The following DYNC2H1 variants were observed in gnomAD, a reference collection of about 807,000 sequenced individuals.
DYNC2H1 encodes the protein cytoplasmic dynein 2 heavy chain 1.
In DYNC2H1, 410 loss-of-function variants were observed where a neutral mutation model predicts 570.0. The observed-to-expected ratio is 0.72, with a 90% CI of 0.66 to 0.78. The LOEUF is 0.78. Among genes scored for constraint, DYNC2H1 ranks in the 30% least tolerant of loss-of-function variants. The probability of loss-of-function intolerance (pLI) is 0.00; values close to 1 mark genes in which losing one functional copy is unlikely to be tolerated. For synonymous variants in DYNC2H1, 1,688 were observed against 1,677.6 expected (o/e 1.01, Z -0.15); for missense variants, 4,865 against 5,046.4 (o/e 0.96, Z 1.09).
chr11:103,202,293 G>GGTT (rs1318165052), intron 50 of DYNC2H1, among the ~76,000 whole-genome samples: 1 of 47,184 alleles, frequency 2.1e-5, no homozygotes, highest in Non-Finnish European at 3.5e-5. Context: ...CAGAAACACA[G>GGTT]ATTTTTTTTT....
chr11:103,452,838 AATGT>A (rs1944657991), intron 85 of DYNC2H1, among the ~76,000 whole-genome samples: 2 of 152,052 alleles, frequency 1.3e-5, no homozygotes, highest in East Asian at 3.8e-4. Flanking sequence ...TGAGTAAATG[AATGT>A]AATTTGAATT....
At chr11:103,234,692 C>T (rs984819084) in intron 61 of DYNC2H1, among the ~76,000 whole-genome samples, 1 of 151,832 alleles carries the variant, frequency 6.6e-6, no homozygotes, top group African/African-American at 2.4e-5. Flanking sequence ...TGGGGGTTAT[C>T]TCATCCCTTC....
chr11:103,290,673 T>C (rs1239028758), intron 75 of DYNC2H1, among the ~76,000 whole-genome samples: 1 of 152,126 alleles, frequency 6.6e-6, no homozygotes, highest in Non-Finnish European at 1.5e-5. Flanking sequence ...TCTGTGTTTC[T>C]CTGCCCCCCT....
chr11:103,352,051 C>T (rs3914428), intron 82 of DYNC2H1, among the ~76,000 whole-genome samples: 22,523 of 151,978 alleles, frequency 0.15, 1,820 homozygotes, highest in Admixed American at 0.24. Flanking sequence ...AAAATAATCT[C>T]ATGGCATCTT....
chr11:103,181,794 TGGTTGAGG>T lies in DYNC2H1; in HGVS notation c.6386_6393del (p.Trp2129Ter). 1 of 1,575,390 alleles carries T rather than the reference TGGTTGAGG, an allele frequency of 6.3e-7. No individual in the cohort carries two copies. The highest frequency in any genetic ancestry group is 8.6e-7 in the Non-Finnish European group (1 of 1,158,446). ...AGATCTTAATTCTCTGATAAAATCT[TGGTTGAGG>T]AATCAGCCTGCTGAATATAGAAATA... is the stretch of plus-strand genomic sequence containing the variant. On this transcript the variant is annotated frameshift_variant, in exon 40 of 89. Transcript: ENST00000375735. LOFTEE classifies it high-confidence loss of function. This position sits in a 1 kb window ranked among gnomAD's most constrained non-coding sequence, Gnocchi z 5.0.
intron 13 of DYNC2H1, among the ~76,000 whole-genome samples, chr11:103,132,511 T>C (rs1859329967): frequency 6.6e-6 from 1 of 152,156 alleles, no homozygotes; most frequent in Admixed American, 6.6e-5. Flanking sequence ...CTCATTCAAG[T>C]TGTGATTTTT....
chr11:103,387,751 A>G (rs1037856615), intron 83 of DYNC2H1, among the ~76,000 whole-genome samples: 15 of 152,124 alleles, frequency 9.9e-5, no homozygotes, highest in Non-Finnish European at 2.1e-4. Flanking sequence ...CCATTTATTA[A>G]AATAGGGAAT....
At chr11:103,176,597 T>C (rs1172157568) in intron 37 of DYNC2H1, among the ~76,000 whole-genome samples, 163 bp downstream of exon 37, 4 of 152,214 alleles carry the variant, frequency 2.6e-5, no homozygotes. Context: ...TTTGATCTTC[T>C]TGCTGTGTGC....
At chr11:103,384,231 T>C (rs1216328621) in intron 83 of DYNC2H1, among the ~76,000 whole-genome samples, 1 of 152,208 alleles carries the variant, frequency 6.6e-6, no homozygotes, top group Non-Finnish European at 1.5e-5. Flanking sequence ...GTTCAGAATG[T>C]TATCTCTTCT....
chr11:103,169,428 C>A (rs529597751), intron 32 of DYNC2H1, among the ~76,000 whole-genome samples: 4 of 152,242 alleles, frequency 2.6e-5, no homozygotes, highest in Admixed American at 2.6e-4. Context: ...AAAAATTCCA[C>A]CTGTTGCCTC....
chr11:103,414,718 A>G (rs1018405632), intron 84 of DYNC2H1, among the ~76,000 whole-genome samples: 2 of 151,944 alleles, frequency 1.3e-5, no homozygotes, highest in African/African-American at 2.4e-5. Flanking sequence ...AAAATTCACA[A>G]GCATTCCTAT....
chr11:103,168,277 A>G (rs967018748), intron 31 of DYNC2H1, among the ~76,000 whole-genome samples: 4 of 152,230 alleles, frequency 2.6e-5, no homozygotes, highest in African/African-American at 9.6e-5. Flanking sequence ...ATCTGTCTAC[A>G]CCAGTTTCGG....
chr11:103,268,072 T>C lies in DYNC2H1; in HGVS notation c.10695+8095T>C, dbSNP rs933570461. 6.6e-6 allele frequency among the ~76,000 whole-genome samples: 1 copy of C among 151,994 alleles called. No homozygotes were observed. Among genetic ancestry groups the C allele is most frequent in the Non-Finnish European group, 1.5e-5 (1 of 67,930 alleles). ...CCTATATGGTACACTTATTTTTATG[T>C]ATAGTATAAGTATTTCTATTCAGTA... On this transcript the variant is annotated intron_variant, in intron 70 of 88. Coordinates refer to ENST00000375735, the MANE Select transcript of DYNC2H1 (RefSeq NM_001377.3). The surrounding 1 kb of genome is among the most constrained non-coding windows in gnomAD (Gnocchi z 4.6).
intron 77 of DYNC2H1, among the ~76,000 whole-genome samples, chr11:103,307,170 G>A (rs556334802): frequency 6.6e-6 from 1 of 152,244 alleles, no homozygotes; most frequent in South Asian, 2.1e-4. Context: ...CACAGTATGA[G>A]AAGCATGGGC....
In DYNC2H1 at chr11:103,254,975, G is replaced by C. The variant is rs575031930; in HGVS notation, c.10207-440G>C. Among the ~76,000 whole-genome samples the C allele has an allele frequency of 6.6e-6, 1 of 151,958 alleles. No homozygotes were observed. Among genetic ancestry groups the C allele is most frequent in the East Asian group, 1.9e-4 (1 of 5,176 alleles). On this transcript the variant is annotated intron_variant, in intron 66 of 88. Transcript: ENST00000375735. This position sits in a 1 kb window ranked among gnomAD's most constrained non-coding sequence, Gnocchi z 4.9. Reference sequence around the variant, plus strand: ...TTTAGTAGAGATGGAGTTTCACTATGTTAGCCAGGCTGGTCTCGAACTCCT... The same window carrying C: ...TTTAGTAGAGATGGAGTTTCACTATCTTAGCCAGGCTGGTCTCGAACTCCT...
intron 83 of DYNC2H1, among the ~76,000 whole-genome samples, chr11:103,385,637 A>G (rs1036173472): frequency 2.0e-5 from 3 of 152,244 alleles, no homozygotes; most frequent in Admixed American, 6.5e-5. Flanking sequence ...TGGAGGGACT[A>G]TAGCATTATC....
rs1273573972 is a variant in DYNC2H1 at position 103,191,422 on chromosome 11, T to C, written c.7438-95T>C. 3.8e-5 allele frequency: 30 copies of C among 786,512 alleles called. No homozygotes were observed. The Middle Eastern group carries it at 9.8e-4, about 26-fold the overall frequency. The allele number at this position is 786,512 out of a possible 1,614,324, so 48.7% of individuals were successfully genotyped here. A position where few individuals can be genotyped will look rare whatever the true frequency, so the allele number is the denominator to read the frequency against. ...ATCCAGTTCCATCTACAGGTAGAAATTGGTATTCCTCTGAGTCTAAGGAGA... is the reference window on the plus strand; with the variant it reads ...ATCCAGTTCCATCTACAGGTAGAAACTGGTATTCCTCTGAGTCTAAGGAGA... On this transcript the variant is annotated intron_variant, in intron 45 of 88. Coordinates refer to ENST00000375735, the MANE Select transcript of DYNC2H1 (RefSeq NM_001377.3).
At position 103,186,376 on chromosome 11, in the gene DYNC2H1, C is replaced by G. The variant is rs552515168; in HGVS notation, c.6768C>G (p.Asn2256Lys). 1 of 1,612,820 alleles carries G rather than the reference C, an allele frequency of 6.2e-7. No individual in the cohort carries two copies. Among genetic ancestry groups the G allele is most frequent in the East Asian group, 2.2e-5 (1 of 44,814 alleles). ...ACTTGACTGCTGATGATTTCAGTAA[C>G]GGCTTAACTCTTCCAGTCATTCAGA... ...PEDLTADDFS[N>K]GLTLPVIQTP... Residue 2256 changes from asparagine to lysine, a missense_variant, in exon 42 of 89, where the codon AAC (asparagine) becomes AAG (lysine). By Grantham distance (94) the Asn-to-Lys change is moderately conservative (BLOSUM62 0). Coordinates refer to ENST00000375735, the MANE Select transcript of DYNC2H1 (RefSeq NM_001377.3). This position sits in a 1 kb window ranked among gnomAD's most constrained non-coding sequence, Gnocchi z 4.5.
rs57581233 is a variant in DYNC2H1, at chr11:103,188,474, A to G, written c.7141-23A>G. On this transcript the variant is annotated intron_variant, in intron 43 of 88. Transcript: ENST00000375735. ...AGGAAATCTTAGATAAAAAACGTTT[A>G]AAATATATTTATTTTCAAATAGGTA... is the stretch of plus-strand genomic sequence containing the variant. The G allele has an allele frequency of 5.1e-4, 769 of 1,501,302 alleles. 7 individuals are homozygous for G. The African/African-American group carries it at 9.7e-3, about 19-fold the overall frequency. 93.0% of individuals were successfully genotyped at this position (1,501,302 alleles called of 1,614,324 possible).
Sources: gnomAD v4.1 joint callset for allele counts (sites outside exome capture counted in the v4.1 genomes callset) on GRCh38, gnomAD v4.1.1 for gene constraint, Gnocchi (gnomAD v3.1) non-coding constraint, MANE v1.5 for transcripts, NCBI Gene and HGNC (gene_info 2026-07-23, HGNC 2026-07-21) for gene names.